Variants in TAPT1 observed in about 807,000 individuals in gnomAD.
TAPT1 encodes transmembrane anterior posterior transformation protein 1 homolog.
In TAPT1, 28 loss-of-function variants were observed where a neutral mutation model predicts 65.6. The ratio of observed to expected loss-of-function variants is 0.43; its 90% CI spans 0.32 to 0.59. TAPT1 has a LOEUF of 0.59. TAPT1 is among the 20% of genes least tolerant of loss of function. The pLI is 0.09. For missense variants in TAPT1, 563 were observed against 679.9 expected, an observed-to-expected ratio of 0.83 and a Z score of 1.91; for synonymous variants, 278 against 245.2, an observed-to-expected ratio of 1.13 and a Z score of -1.25.
At chr4:16,174,132 A>T in intron 11 of TAPT1, 72 bp downstream of exon 11, 1 of 1,195,962 alleles carries the variant, frequency 8.4e-7, no homozygotes, top group Non-Finnish European at 1.2e-6. Flanking sequence ...CAATCATATT[A>T]ATAATCCATT....
chr4:16,206,886 G>C (rs1431219431), intron 2 of TAPT1, among the ~76,000 whole-genome samples: 1 of 152,124 alleles, frequency 6.6e-6, no homozygotes, highest in Non-Finnish European at 1.5e-5. Flanking sequence ...GCTTGTCTTA[G>C]AACTATCTGA....
rs1008623317 is a variant in TAPT1 at position 16,160,877 on chromosome 4, C to T, written c.*2431G>A. The T allele has an allele frequency of 6.6e-5, 10 of 152,544 alleles. No homozygotes were observed. Among genetic ancestry groups the T allele is most frequent in the Admixed American group, 5.9e-4 (9 of 15,260 alleles). The allele number at this position is 152,544 out of a possible 1,614,324, so 9.4% of individuals were successfully genotyped here. A position where few individuals can be genotyped will look rare whatever the true frequency, so the allele number is the denominator to read the frequency against. ...ATGAATATAAACTCTAAATACTGGC[C>T]AAAGTCCACAAGAAAATCTGGACAA... On this transcript the variant is annotated 3_prime_UTR_variant, in exon 14 of 14. Transcript: ENST00000405303.
chr4:16,224,874 C>CA (rs988290611), intron 1 of TAPT1, among the ~76,000 whole-genome samples: 9 of 151,966 alleles, frequency 5.9e-5, no homozygotes, highest in Admixed American at 1.3e-4. Flanking sequence ...ACGCAAACAA[C>CA]AAAAAAAGGC....
At chr4:16,220,869 C>T (rs1203764577) in intron 1 of TAPT1, among the ~76,000 whole-genome samples, 1 of 151,646 alleles carries the variant, frequency 6.6e-6, no homozygotes, top group African/African-American at 2.4e-5. Context: ...CACTCTGTTG[C>T]CCAGGCTGCA....
At chr4:16,227,056 C>G (rs1192018882), upstream of TAPT1, 1 of 454,520 alleles carries the variant, frequency 2.2e-6, no homozygotes, top group Non-Finnish European at 4.4e-6. Flanking sequence ...TGCCTGCCCG[C>G]TATTTTGGTT....
rs1206495951 is a variant in TAPT1 at position 16,191,586 on chromosome 4, A to T, written c.450-63T>A. 5.5e-6 allele frequency: 8 copies of T among 1,461,302 alleles called. No homozygotes were observed. The African/African-American group carries it at 8.5e-5, about 15-fold the overall frequency. The allele number at this position is 1,461,302 out of a possible 1,614,324, so 90.5% of individuals were successfully genotyped here. The stretch of plus-strand genomic sequence containing the variant: ...CTCTGTATGTTCTCACAAAAACAAT[A>T]ATCTTTACTCGATATACACTGGCAT... On this transcript the variant is annotated intron_variant, in intron 3 of 13. Transcript: ENST00000405303.
chr4:16,186,449 C>A, intron 7 of TAPT1, 86 bp downstream of exon 7: 1 of 822,988 alleles, frequency 1.2e-6, no homozygotes, highest in South Asian at 1.7e-5. Context: ...TGAAGAGTGG[C>A]CCAGAGAAAA....
chr4:16,189,126 G>A (rs1208685100), intron 4 of TAPT1, among the ~76,000 whole-genome samples: 1 of 151,932 alleles, frequency 6.6e-6, no homozygotes, highest in Non-Finnish European at 1.5e-5. Context: ...CACATTTTCA[G>A]GTATCAATCT....
intron 13 of TAPT1, among the ~76,000 whole-genome samples, chr4:16,164,581 A>C (rs552793442): frequency 6.6e-6 from 1 of 152,248 alleles, no homozygotes; most frequent in African/African-American, 2.4e-5. Flanking sequence ...AGCAAGAGTG[A>C]CGCTTACTAA....
At chr4:16,165,245 A>G (rs1211998331) in intron 13 of TAPT1, among the ~76,000 whole-genome samples, 5 of 152,048 alleles carry the variant, frequency 3.3e-5, no homozygotes, top group Non-Finnish European at 5.9e-5. Flanking sequence ...CTCCTCTATG[A>G]CCTTGCACAC....
intron 1 of TAPT1, among the ~76,000 whole-genome samples, chr4:16,215,777 CAT>C (rs1194322140): frequency 1.3e-5 from 2 of 152,202 alleles, no homozygotes; most frequent in African/African-American, 2.4e-5. Context: ...ACCAAATCCA[CAT>C]AGAGTAGAAC....
intron 2 of TAPT1, among the ~76,000 whole-genome samples, chr4:16,207,789 A>G (rs1207613352): frequency 6.6e-6 from 1 of 152,224 alleles, no homozygotes; most frequent in East Asian, 1.9e-4. Context: ...TTACACCTTC[A>G]ATCTGACAAA....
chr4:16,163,869 G>A (rs2149661137), intron 13 of TAPT1, among the ~76,000 whole-genome samples: 1 of 152,276 alleles, frequency 6.6e-6, no homozygotes, highest in Non-Finnish European at 1.5e-5. Flanking sequence ...TGGCAGTCCT[G>A]AAACATTAAC....
intron 13 of TAPT1, among the ~76,000 whole-genome samples, chr4:16,166,343 A>C (rs1747618509): frequency 6.6e-6 from 1 of 152,164 alleles, no homozygotes; most frequent in African/African-American, 2.4e-5. Context: ...TCTTCCCGAC[A>C]ATCTAGAACA....
At chr4:16,194,859 G>GTCTTCTTCT (rs71649940) in intron 3 of TAPT1, among the ~76,000 whole-genome samples, 1,960 of 146,988 alleles carry the variant, frequency 0.013, 97 homozygotes, top group African/African-American at 0.048. Context: ...CTTGATTTCT[G>GTCTTCTTCT]TCTTCTTCTT....
At chr4:16,164,356 C>T (rs1747440997) in intron 13 of TAPT1, among the ~76,000 whole-genome samples, 1 of 152,246 alleles carries the variant, frequency 6.6e-6, no homozygotes, top group Non-Finnish European at 1.5e-5. Flanking sequence ...TCTGATGCAG[C>T]TTTGAGAGAC....
chr4:16,179,679 T>A, intron 7 of TAPT1, 22 bp from the exon 8 acceptor site: 1 of 1,313,498 alleles, frequency 7.6e-7, no homozygotes, highest in South Asian at 1.3e-5. Context: ...AAAATCAACA[T>A]AAGTACTGTA....
Position 16,202,581 on chromosome 4 carries a change from C to A in TAPT1, c.331-1G>T. On this transcript the variant is annotated splice_acceptor_variant, in intron 2 of 13. Transcript: ENST00000405303. LOFTEE classifies it high-confidence loss of function. ...ACAGAAAGATTCCAAAAACCATCAGCTGAATTTTAACAAGGAGAGAAGAAA... is the reference window on the plus strand; with the variant it reads ...ACAGAAAGATTCCAAAAACCATCAGATGAATTTTAACAAGGAGAGAAGAAA... 1 of 1,486,822 alleles carries A rather than the reference C, an allele frequency of 6.7e-7. No individual in the cohort carries two copies. Among genetic ancestry groups the A allele is most frequent in the Non-Finnish European group, 9.0e-7 (1 of 1,105,262 alleles). 92.1% of individuals were successfully genotyped at this position (1,486,822 alleles called of 1,614,324 possible).
chr4:16,225,906 G>C, intron 1 of TAPT1: 1 of 987,176 alleles, frequency 1.0e-6, no homozygotes, highest in Non-Finnish European at 1.2e-6. Context: ...AATCAGCCGT[G>C]TGCTTCTCAC....
Sources: gnomAD v4.1 joint callset for allele counts (sites outside exome capture counted in the v4.1 genomes callset) on GRCh38, gnomAD v4.1.1 for gene constraint, MANE v1.5 for transcripts, NCBI Gene and HGNC (gene_info 2026-07-23, HGNC 2026-07-21) for gene names.